Variants in MAP3K7 observed in about 807,000 individuals in gnomAD.
The protein encoded by MAP3K7 is mitogen-activated protein kinase kinase kinase 7.
MAP3K7 carries 21 observed loss-of-function variants against 84.8 expected under a neutral mutation model. The ratio of observed to expected loss-of-function variants is 0.25; its 90% CI spans 0.18 to 0.36. The LOEUF (loss-of-function observed/expected upper bound fraction) is 0.36, where lower values mean the gene tolerates loss of function less well. Ranked by LOEUF, MAP3K7 falls within the 10% of genes least tolerant of loss-of-function variation. The pLI, the probability that MAP3K7 is intolerant of heterozygous loss-of-function variation, is 1.00. For synonymous variants in MAP3K7, 241 were observed against 247.7 expected (o/e 0.97, Z 0.25); for missense variants, 503 against 747.7 (o/e 0.67, Z 3.82).
At chr6:90,541,099 T>A (rs577518722) in intron 12 of MAP3K7, among the ~76,000 whole-genome samples, 1 of 151,966 alleles carries the variant, frequency 6.6e-6, no homozygotes, top group East Asian at 1.9e-4. Flanking sequence ...CTTATTAAAG[T>A]CCTAGAACAA....
chr6:90,557,344 T>C lies in MAP3K7; in HGVS notation c.483-720A>G, dbSNP rs1776369455. On this transcript the variant is annotated intron_variant, in intron 5 of 16. Coordinates refer to ENST00000369329, the MANE Select transcript of MAP3K7 (RefSeq NM_145331.3). Reference sequence around the variant, plus strand: ...TAATATAATTTGCACCATCACATTGTAGTAATATCCAATAGCAGTACATAG... The same window carrying C: ...TAATATAATTTGCACCATCACATTGCAGTAATATCCAATAGCAGTACATAG... 3.3e-5 allele frequency among the ~76,000 whole-genome samples: 5 copies of C among 152,324 alleles called. No individual in the cohort carries two copies. In the South Asian group the frequency reaches 1.0e-3, roughly 32 times the overall value.
chr6:90,537,787 T>C (rs941620024), intron 12 of MAP3K7, among the ~76,000 whole-genome samples: 3 of 151,940 alleles, frequency 2.0e-5, no homozygotes, highest in African/African-American at 7.2e-5. Flanking sequence ...ACAAAAAGGA[T>C]CCCCACAACC....
intron 16 of MAP3K7, among the ~76,000 whole-genome samples, chr6:90,517,249 A>T (rs1774996092): frequency 6.6e-6 from 1 of 151,780 alleles, no homozygotes; most frequent in Admixed American, 6.6e-5. Context: ...TTCAGGAAAG[A>T]CCCTCATTCT....
At chr6:90,525,815 CCA>C (rs1775303531) in intron 13 of MAP3K7, among the ~76,000 whole-genome samples, 1 of 151,898 alleles carries the variant, frequency 6.6e-6, no homozygotes, top group African/African-American at 2.4e-5. Flanking sequence ...GATCCTCCCT[CCA>C]CAGTTTCCCA....
chr6:90,550,590 A>G, intron 8 of MAP3K7, 41 bp from the exon 9 acceptor site: 1 of 1,259,948 alleles, frequency 7.9e-7, no homozygotes. Flanking sequence ...AATTTCCTTA[A>G]TACAAATTAA....
intron 12 of MAP3K7, among the ~76,000 whole-genome samples, chr6:90,538,969 T>C (rs1056313879): frequency 6.6e-6 from 1 of 151,914 alleles, no homozygotes; most frequent in Non-Finnish European, 1.5e-5. Context: ...TTAACCTAAA[T>C]GTTAGAAATT....
intron 12 of MAP3K7, among the ~76,000 whole-genome samples, chr6:90,538,450 A>T (rs1775747263): frequency 1.3e-5 from 2 of 151,898 alleles, no homozygotes; most frequent in South Asian, 4.1e-4. Context: ...TAAATGGAAA[A>T]AGTAGTAGAA....
chr6:90,536,311 G>A (rs1775675920), intron 13 of MAP3K7, 26 bp downstream of exon 13: 1 of 1,580,346 alleles, frequency 6.3e-7, no homozygotes, highest in Non-Finnish European at 8.7e-7. Context: ...ATTCTTCAAA[G>A]ATAGAAAATT....
rs373791425 is a variant in MAP3K7 at position 90,533,704 on chromosome 6, A to T, written c.1356+2633T>A. Among the ~76,000 whole-genome samples, 3 of 152,296 alleles carry T rather than the reference A, an allele frequency of 2.0e-5. No homozygotes were observed. In the East Asian group the frequency reaches 5.8e-4, roughly 29 times the overall value. On this transcript the variant is annotated intron_variant, in intron 13 of 16. Coordinates refer to ENST00000369329, the MANE Select transcript of MAP3K7 (RefSeq NM_145331.3). ...CTCCTTTTATCACGGTCTCAGCATT[A>T]TCTTGTCTGATATTGGTGTTCTGAG...
At chr6:90,562,748 G>A in intron 3 of MAP3K7, among the ~76,000 whole-genome samples, 1 of 152,218 alleles carries the variant, frequency 6.6e-6, no homozygotes. Flanking sequence ...CATGGAGTTT[G>A]AGATCTGAGA....
intron 1 of MAP3K7, among the ~76,000 whole-genome samples, chr6:90,578,711 T>C (rs367680307): frequency 6.6e-6 from 1 of 152,206 alleles, no homozygotes; most frequent in African/African-American, 2.4e-5. Context: ...CCCCCCATTC[T>C]GATATTAGCT....
At position 90,555,149 on chromosome 6, in the gene MAP3K7, A is replaced by G. The variant is rs554014240; in HGVS notation, c.607+1351T>C. ...CAGAAACCTAGCATATAATTTACAG[A>G]CAACTCTTTTAAAACTTCAGTGACA... On this transcript the variant is annotated intron_variant, in intron 6 of 16. Transcript: ENST00000369329. Among the ~76,000 whole-genome samples the G allele has an allele frequency of 3.3e-5, 5 of 152,374 alleles. No individual in the cohort carries two copies. The South Asian group carries it at 8.3e-4, about 25-fold the overall frequency.
At chr6:90,586,434 C>T (rs918164262) in intron 1 of MAP3K7, among the ~76,000 whole-genome samples, 2 of 150,590 alleles carry the variant, frequency 1.3e-5, no homozygotes, top group Admixed American at 1.3e-4. Flanking sequence ...AACTCCAGAA[C>T]GGCTACGATC....
chr6:90,515,095 G>C lies in MAP3K7; in HGVS notation c.*1406C>G, dbSNP rs1774915539. On this transcript the variant is annotated 3_prime_UTR_variant, in exon 17 of 17. Transcript: ENST00000369329. Reference sequence around the variant, plus strand: ...ATAACTTCTTAGATCTTGCTTATCTGAAATAGAGCAAAAACTACAATACAG... The same window carrying C: ...ATAACTTCTTAGATCTTGCTTATCTCAAATAGAGCAAAAACTACAATACAG... The C allele has an allele frequency of 6.6e-6, 1 of 151,952 alleles. No homozygotes were observed. The highest frequency in any genetic ancestry group is 6.6e-5 in the Admixed American group (1 of 15,220). 9.4% of individuals were successfully genotyped at this position (151,952 alleles called of 1,614,324 possible).
chr6:90,518,695 C>A (rs979465914), intron 15 of MAP3K7, 133 bp from the exon 16 acceptor site: 52 of 619,116 alleles, frequency 8.4e-5, no homozygotes, highest in Non-Finnish European at 1.3e-4. Context: ...AAGTGTTAAA[C>A]CATGCCCTAG....
chr6:90,550,482 G>C lies in MAP3K7; in HGVS notation c.935C>G (p.Ser312Cys). 3.7e-6 allele frequency: 6 copies of C among 1,609,472 alleles called. No individual in the cohort carries two copies. Among genetic ancestry groups the C allele is most frequent in the Non-Finnish European group, 5.1e-6 (6 of 1,176,400 alleles). ...CQYSDEGQSNSATSTGSFMDI... is the reference protein window; with the variant it reads ...CQYSDEGQSNCATSTGSFMDI... ...TATCCATTTACCTGTACTGGTGGCA[G>C]AGTTGCTCTGTCCTTCATCTGAATA... Residue 312 changes from serine to cysteine, a missense_variant, in exon 9 of 17, where the codon TCT becomes TGT. Physicochemically the swap from Ser to Cys is moderately radical, Grantham distance 112 (BLOSUM62 -1). Coordinates refer to ENST00000369329, the MANE Select transcript of MAP3K7 (RefSeq NM_145331.3).
chr6:90,540,788 C>T (rs1476416542), intron 12 of MAP3K7, among the ~76,000 whole-genome samples: 1 of 151,884 alleles, frequency 6.6e-6, no homozygotes, highest in Non-Finnish European at 1.5e-5. Context: ...TTCTCTTACT[C>T]TACATGTTAA....
chr6:90,530,399 T>G (rs1429596774), intron 13 of MAP3K7, among the ~76,000 whole-genome samples: 1 of 152,166 alleles, frequency 6.6e-6, no homozygotes, highest in Non-Finnish European at 1.5e-5. Context: ...AATAGGAATT[T>G]TATAGTACTC....
At chr6:90,577,430 C>T (rs568898394) in intron 1 of MAP3K7, among the ~76,000 whole-genome samples, 1 of 152,208 alleles carries the variant, frequency 6.6e-6, no homozygotes, top group African/African-American at 2.4e-5. Flanking sequence ...GAGATACAAA[C>T]TTGGGAGTCA....
Sources: gnomAD v4.1 joint callset for allele counts (sites outside exome capture counted in the v4.1 genomes callset) on GRCh38, gnomAD v4.1.1 for gene constraint, MANE v1.5 for transcripts, NCBI Gene and HGNC (gene_info 2026-07-23, HGNC 2026-07-21) for gene names.